Variants in MAN1A1 observed in about 807,000 individuals in gnomAD.
MAN1A1 encodes mannosyl-oligosaccharide 1,2-alpha-mannosidase IA.
Under a neutral mutation model 70.8 loss-of-function variants are expected in MAN1A1, and 29 were observed. The observed-to-expected ratio is 0.41, with a 90% CI of 0.31 to 0.56. MAN1A1 has a LOEUF of 0.56. Ranked by LOEUF, MAN1A1 falls within the 20% of genes least tolerant of loss-of-function variation. The pLI is 0.29. For missense variants in MAN1A1, 747 were observed against 841.3 expected (o/e 0.89, Z 1.39); for synonymous variants, 349 against 330.1 (o/e 1.06, Z -0.62).
chr6:119,304,596 T>A (rs1772479757), intron 3 of MAN1A1, among the ~76,000 whole-genome samples: 1 of 152,186 alleles, frequency 6.6e-6, no homozygotes, highest in South Asian at 2.1e-4. Context: ...AGATTTTTTT[T>A]ATATTCATTA....
chr6:119,204,214 G>A (rs994716225), intron 7 of MAN1A1, among the ~76,000 whole-genome samples: 4 of 152,182 alleles, frequency 2.6e-5, no homozygotes, highest in African/African-American at 9.7e-5. Context: ...GTGGCTGGGG[G>A]AAAAGTCCTA....
chr6:119,268,543 C>CT (rs899229251), intron 5 of MAN1A1, among the ~76,000 whole-genome samples: 15 of 152,096 alleles, frequency 9.9e-5, no homozygotes, highest in African/African-American at 3.6e-4. Context: ...TTCCAGCTCC[C>CT]TTTTGCTAAT....
chr6:119,188,636 T>A, intron 10 of MAN1A1, 59 bp from the exon 11 acceptor site: 2 of 1,455,754 alleles, frequency 1.4e-6, no homozygotes, highest in Non-Finnish European at 1.9e-6. Context: ...TTACAGTCAA[T>A]AACTTAAATG....
intron 6 of MAN1A1, among the ~76,000 whole-genome samples, chr6:119,223,782 C>T (rs1774431158): frequency 6.6e-6 from 1 of 151,834 alleles, no homozygotes; most frequent in African/African-American, 2.4e-5. Context: ...GACTTCTGGC[C>T]TCTAGTAATG....
intron 6 of MAN1A1, among the ~76,000 whole-genome samples, chr6:119,229,278 T>G (rs1164739265): frequency 1.3e-5 from 2 of 151,604 alleles, no homozygotes; most frequent in East Asian, 3.9e-4. Flanking sequence ...TAAAAGAGGT[T>G]CCATGGTGAA....
At chr6:119,286,944 T>A (rs1776390557) in intron 5 of MAN1A1, among the ~76,000 whole-genome samples, 1 of 152,100 alleles carries the variant, frequency 6.6e-6, no homozygotes, top group Non-Finnish European at 1.5e-5. Context: ...ACACGTCCTA[T>A]CTCCCTACTC....
chr6:119,207,549 T>A (rs1405358511), intron 6 of MAN1A1, among the ~76,000 whole-genome samples: 1 of 152,160 alleles, frequency 6.6e-6, no homozygotes, highest in South Asian at 2.1e-4. Context: ...ACAGCTGAAA[T>A]GTGTCTGTGT....
chr6:119,211,728 T>C (rs1462356585), intron 6 of MAN1A1, among the ~76,000 whole-genome samples: 2 of 152,214 alleles, frequency 1.3e-5, no homozygotes, highest in East Asian at 3.8e-4. Flanking sequence ...GGTAACTTCT[T>C]ATGAAGGCTT....
intron 6 of MAN1A1, chr6:119,210,850 C>T (rs1439494997): frequency 2.2e-6 from 1 of 452,798 alleles, no homozygotes; most frequent in Admixed American, 2.4e-5. Flanking sequence ...ACTTACAGAG[C>T]TATTTCTCTT....
chr6:119,204,722 G>A, intron 7 of MAN1A1, 37 bp downstream of exon 7: 1 of 1,611,248 alleles, frequency 6.2e-7, no homozygotes, highest in South Asian at 1.1e-5. Flanking sequence ...TCTCATAAGT[G>A]TTGCTTTGCA....
intron 4 of MAN1A1, among the ~76,000 whole-genome samples, chr6:119,300,444 C>T (rs143284470): frequency 5.6e-4 from 85 of 151,746 alleles, no homozygotes; most frequent in African/African-American, 2.0e-3. Context: ...TTAGTAGAGA[C>T]GGGGTTTCAC....
At chr6:119,209,434 G>C (rs1773981858) in intron 6 of MAN1A1, among the ~76,000 whole-genome samples, 1 of 151,980 alleles carries the variant, frequency 6.6e-6, no homozygotes, top group Non-Finnish European at 1.5e-5. Context: ...TGACTCCTTG[G>C]GGTTATACAG....
intron 3 of MAN1A1, among the ~76,000 whole-genome samples, chr6:119,306,521 T>C (rs1772529260): frequency 1.3e-5 from 2 of 152,206 alleles, no homozygotes; most frequent in South Asian, 4.1e-4. Context: ...AGATTATCTA[T>C]AAAGGCACAG....
At chr6:119,183,793 C>A (rs564472999) in intron 11 of MAN1A1, among the ~76,000 whole-genome samples, 2 of 152,202 alleles carry the variant, frequency 1.3e-5, no homozygotes, top group African/African-American at 4.8e-5. Flanking sequence ...AAGAACACAG[C>A]CAAAAATTTT....
At chr6:119,278,439 T>G (rs1776137027) in intron 5 of MAN1A1, among the ~76,000 whole-genome samples, 1 of 152,236 alleles carries the variant, frequency 6.6e-6, no homozygotes, top group East Asian at 1.9e-4. Context: ...TCCCTCTGCT[T>G]TTTGTTTAAG....
At chr6:119,199,445 A>G (rs1246157132) in intron 8 of MAN1A1, among the ~76,000 whole-genome samples, 1 of 152,134 alleles carries the variant, frequency 6.6e-6, no homozygotes, top group Non-Finnish European at 1.5e-5. Flanking sequence ...ATCATTTTTC[A>G]TAATTCAGCA....
At position 119,348,807 on chromosome 6, in the gene MAN1A1, T is replaced by G; in HGVS notation, c.259A>C (p.Lys87Gln). 6.9e-7 allele frequency: 1 copy of G among 1,447,806 alleles called. No homozygotes were observed. The highest frequency in any genetic ancestry group is 9.1e-7 in the Non-Finnish European group (1 of 1,095,000). The allele number at this position is 1,447,806 out of a possible 1,614,324, so 89.7% of individuals were successfully genotyped here. ...SPALQPAADH[K>Q]PGPGARAEDA... ...TCGGCGCGCGCCCCGGGCCCGGGCT[T>G]GTGGTCGGCGGCCGGCTGCAAGGCG... Residue 87 changes from lysine (K) to glutamine (Q), a missense_variant, in exon 2 of 13, where the codon AAG becomes CAG. By Grantham distance (53) the Lys-to-Gln change is moderately conservative. Transcript: ENST00000368468.
chr6:119,286,873 G>A (rs1776387515), intron 5 of MAN1A1, among the ~76,000 whole-genome samples: 1 of 152,010 alleles, frequency 6.6e-6, no homozygotes, highest in Non-Finnish European at 1.5e-5. Context: ...CATGTGGTTT[G>A]TCTATTTTCT....
chr6:119,206,452 A>AC (rs547739528), intron 6 of MAN1A1, among the ~76,000 whole-genome samples: 112 of 152,224 alleles, frequency 7.4e-4, no homozygotes, highest in African/African-American at 2.6e-3. Context: ...GGCTCGCCTC[A>AC]CTCTCACTTC....
Sources: allele counts gnomAD v4.1 joint callset (sites outside exome capture counted in the v4.1 genomes callset), GRCh38; gene constraint gnomAD v4.1.1; transcripts MANE v1.5; gene names NCBI Gene and HGNC (gene_info 2026-07-23, HGNC 2026-07-21).